Variants in HSD17B11 observed in about 807,000 individuals in gnomAD.
The protein encoded by HSD17B11 is estradiol 17-beta-dehydrogenase 11.
Under a neutral mutation model 27.8 loss-of-function variants are expected in HSD17B11, and 22 were observed. That is an observed-to-expected ratio of 0.79 (90% CI 0.56 to 1.13). The LOEUF (loss-of-function observed/expected upper bound fraction) is 1.13. Ranked by LOEUF, HSD17B11 falls within the 50% of genes most tolerant of loss-of-function variation. HSD17B11 has a pLI of 0.00. For synonymous variants in HSD17B11, 117 were observed against 132.8 expected (o/e 0.88, Z 0.82); for missense variants, 314 against 351.1 (o/e 0.89, Z 0.84).
intron 4 of HSD17B11, among the ~76,000 whole-genome samples, chr4:87,357,887 T>C (rs1735415798): frequency 1.3e-5 from 2 of 151,488 alleles, no homozygotes. Flanking sequence ...CATTATATAG[T>C]AATTTTCAGT....
chr4:87,363,179 AG>A (rs1031135642), intron 4 of HSD17B11, among the ~76,000 whole-genome samples: 2 of 152,158 alleles, frequency 1.3e-5, no homozygotes, highest in African/African-American at 4.8e-5. Flanking sequence ...TGGTGCCACA[AG>A]CCCGATCACT....
chr4:87,372,588 T>A, intron 4 of HSD17B11, 121 bp downstream of exon 4: 2 of 640,670 alleles, frequency 3.1e-6, no homozygotes, highest in Non-Finnish European at 5.5e-6. Context: ...CAACTCTCAA[T>A]AATAAACTGG....
At chr4:87,354,006 G>A (rs184709003) in intron 5 of HSD17B11, among the ~76,000 whole-genome samples, 2 of 151,844 alleles carry the variant, frequency 1.3e-5, no homozygotes, top group East Asian at 3.9e-4. Context: ...CTCCAATTAG[G>A]GTTCTCTTGT....
chr4:87,381,465 T>A (rs1379602968), intron 2 of HSD17B11, among the ~76,000 whole-genome samples: 1 of 151,688 alleles, frequency 6.6e-6, no homozygotes, highest in African/African-American at 2.4e-5. Context: ...TAATGCTTTA[T>A]AGAAATAGAT....
Position 87,391,084 on chromosome 4 carries a change from G to T in HSD17B11, c.-14C>A. The stretch of plus-strand genomic sequence containing the variant: ...AAGAAATTTCATCCCTTTTGTGGCT[G>T]CGAGCGTTTGGTGTGTTTTTTTTTT... On this transcript the variant is annotated 5_prime_UTR_variant, in exon 1 of 7. Transcript: ENST00000358290. 1.3e-6 allele frequency: 2 copies of T among 1,586,542 alleles called. No individual in the cohort carries two copies. Among genetic ancestry groups the T allele is most frequent in the Non-Finnish European group, 1.7e-6 (2 of 1,168,908 alleles).
chr4:87,352,941 C>T (rs868343680), intron 5 of HSD17B11, among the ~76,000 whole-genome samples: 4 of 96,048 alleles, frequency 4.2e-5, no homozygotes, highest in Admixed American at 3.1e-4. Flanking sequence ...TGACCCCTTG[C>T]GCTTCCCAGG....
chr4:87,362,741 C>G (rs1374983959), intron 4 of HSD17B11, among the ~76,000 whole-genome samples: 1 of 152,010 alleles, frequency 6.6e-6, no homozygotes, highest in East Asian at 1.9e-4. Context: ...GGAGCTTTTT[C>G]CTGCCTAAAA....
rs751993731 is a variant in HSD17B11, at chr4:87,391,094, G to GGT, written c.-26_-25dup. The GGT allele has an allele frequency of 2.6e-6, 4 of 1,526,494 alleles. No individual in the cohort carries two copies. Among genetic ancestry groups the GGT allele is most frequent in the African/African-American group, 3.3e-5 (2 of 60,954 alleles). The allele number at this position is 1,526,494 out of a possible 1,614,324, so 94.6% of individuals were successfully genotyped here. On this transcript the variant is annotated 5_prime_UTR_variant, in exon 1 of 7. Transcript: ENST00000358290. ...ATCCCTTTTGTGGCTGCGAGCGTTTGGTGTGTTTTTTTTTTTTTTTACCAC... is the reference window on the plus strand; with the variant it reads ...ATCCCTTTTGTGGCTGCGAGCGTTTGGTGTGTGTTTTTTTTTTTTTTTACCAC...
chr4:87,384,613 C>T (rs4257627), intron 1 of HSD17B11, among the ~76,000 whole-genome samples: 2,701 of 152,056 alleles, frequency 0.018, 61 homozygotes, highest in South Asian at 0.046. Context: ...TGGGAATGTC[C>T]GTCCTATGTG....
At chr4:87,379,478 T>C (rs963308086) in intron 2 of HSD17B11, among the ~76,000 whole-genome samples, 2 of 147,160 alleles carry the variant, frequency 1.4e-5, no homozygotes, top group Admixed American at 6.9e-5. Flanking sequence ...TATTGTTATA[T>C]TTATATTATA....
At chr4:87,361,389 AT>A (rs1221991763) in intron 4 of HSD17B11, among the ~76,000 whole-genome samples, 1 of 152,246 alleles carries the variant, frequency 6.6e-6, no homozygotes, top group Non-Finnish European at 1.5e-5. Flanking sequence ...TTATCAAAAA[AT>A]AATCATAAAA....
At chr4:87,382,019 C>A (rs1720185737) in intron 2 of HSD17B11, among the ~76,000 whole-genome samples, 1 of 151,936 alleles carries the variant, frequency 6.6e-6, no homozygotes, top group African/African-American at 2.4e-5. Context: ...GGAAGTGGAG[C>A]CCAAGAGTAT....
At chr4:87,381,639 G>A (rs1342317498) in intron 2 of HSD17B11, among the ~76,000 whole-genome samples, 1 of 151,224 alleles carries the variant, frequency 6.6e-6, no homozygotes, top group African/African-American at 2.4e-5. Context: ...CACACCTGTG[G>A]TCCCAGCTAC....
intron 1 of HSD17B11, among the ~76,000 whole-genome samples, chr4:87,384,129 G>A (rs937365541): frequency 2.0e-5 from 3 of 152,184 alleles, no homozygotes. Context: ...CAGGGACCCC[G>A]AATGGAGGGA....
At chr4:87,374,673 A>G (rs1735784635) in intron 3 of HSD17B11, 26 bp downstream of exon 3, 9 of 1,584,636 alleles carry the variant, frequency 5.7e-6, no homozygotes, top group African/African-American at 1.4e-5. Flanking sequence ...CAAAAGGAAC[A>G]TTTTTGTAAA....
chr4:87,372,447 T>G (rs1331059748), intron 4 of HSD17B11, among the ~76,000 whole-genome samples: 1 of 152,156 alleles, frequency 6.6e-6, no homozygotes, highest in African/African-American at 2.4e-5. Context: ...AGAAATGTTT[T>G]AAAAGTGGTT....
intron 2 of HSD17B11, among the ~76,000 whole-genome samples, chr4:87,378,369 T>G (rs763823419): frequency 6.6e-6 from 1 of 152,130 alleles, no homozygotes; most frequent in Non-Finnish European, 1.5e-5. Flanking sequence ...TACATAGTAG[T>G]GTATATATTC....
chr4:87,355,804 T>A (rs770792798), intron 5 of HSD17B11, among the ~76,000 whole-genome samples: 13 of 152,102 alleles, frequency 8.5e-5, no homozygotes, highest in Non-Finnish European at 1.6e-4. Context: ...CTCGGGAGGC[T>A]GAGGCACAAG....
At chr4:87,344,048 G>A (rs1735222075) in intron 5 of HSD17B11, among the ~76,000 whole-genome samples, 1 of 152,110 alleles carries the variant, frequency 6.6e-6, no homozygotes, top group Non-Finnish European at 1.5e-5. Flanking sequence ...ATCACTGAAT[G>A]AGTACTACTA....
Sources: allele counts gnomAD v4.1 joint callset (sites outside exome capture counted in the v4.1 genomes callset), GRCh38; gene constraint gnomAD v4.1.1; transcripts MANE v1.5; gene names NCBI Gene and HGNC (gene_info 2026-07-23, HGNC 2026-07-21).